Variants in TENM2 observed in about 807,000 individuals in gnomAD.
TENM2 encodes teneurin-2.
In TENM2, 52 loss-of-function variants were observed where a neutral mutation model predicts 245.2. The ratio of observed to expected loss-of-function variants is 0.21; its 90% CI spans 0.17 to 0.27. TENM2 has a LOEUF of 0.27. Ranked by LOEUF, TENM2 falls within the 10% of genes least tolerant of loss-of-function variation. The probability of loss-of-function intolerance (pLI) is 1.00; values close to 1 mark genes in which losing one functional copy is unlikely to be tolerated. For missense variants in TENM2, 3,046 were observed against 3,666.8 expected (o/e 0.83, Z 4.37); for synonymous variants, 1,363 against 1,438.9 (o/e 0.95, Z 1.19).
In TENM2 at chr5:168,004,499, GCA is replaced by G. The variant is rs1554170113; in HGVS notation, c.1186+11319_1186+11320del. 3.7e-3 allele frequency among the ~76,000 whole-genome samples: 393 copies of G among 107,156 alleles called. 5 individuals are homozygous for G. The highest frequency in any genetic ancestry group is 0.014 in the African/African-American group (354 of 24,940). The allele number at this position is 107,156 out of a possible 152,430, so 70.3% of individuals were successfully genotyped here. On this transcript the variant is annotated intron_variant, in intron 5 of 28. Transcript: ENST00000518659. ...AGGGAGGTCAGCCCCCATTTGGGAT[GCA>G]CGCATGCGCGCGCGCGCACACACAC... is the stretch of plus-strand genomic sequence containing the variant.
intron 2 of TENM2, among the ~76,000 whole-genome samples, chr5:167,696,753 T>C (rs1322169338): frequency 6.6e-6 from 1 of 152,154 alleles, no homozygotes; most frequent in Non-Finnish European, 1.5e-5. Flanking sequence ...AACCACACTT[T>C]GTCGGAGAGA....
intron 2 of TENM2, among the ~76,000 whole-genome samples, chr5:167,681,989 C>G (rs940577789): frequency 1.3e-5 from 2 of 151,766 alleles, no homozygotes; most frequent in African/African-American, 4.8e-5. Flanking sequence ...TTCTGTGTTC[C>G]TTGAGAAAAA....
intron 2 of TENM2, among the ~76,000 whole-genome samples, chr5:167,604,159 A>G (rs946578922): frequency 1.3e-5 from 2 of 152,218 alleles, no homozygotes; most frequent in African/African-American, 4.8e-5. Flanking sequence ...ACGAAACAAC[A>G]GTAAGATCTT....
chr5:167,279,199 A>C, the TENM2 span, among the ~76,000 whole-genome samples: 1 of 152,084 alleles, frequency 6.6e-6, no homozygotes, highest in Admixed American at 6.5e-5. Context: ...TCACCCTTTC[A>C]ATATTTTTTC....
At chr5:167,799,279 C>G (rs1312293804) in intron 2 of TENM2, among the ~76,000 whole-genome samples, 1 of 152,230 alleles carries the variant, frequency 6.6e-6, no homozygotes, top group African/African-American at 2.4e-5. Flanking sequence ...GTGCATTAAA[C>G]AACTTCAAAT....
intron 2 of TENM2, among the ~76,000 whole-genome samples, chr5:167,845,236 GCGC>G (rs1769930559): frequency 1.5e-4 from 5 of 34,098 alleles, no homozygotes; most frequent in East Asian, 7.7e-4. Flanking sequence ...CCCCCCTCCC[GCGC>G]CACACACACA....
intron 15 of TENM2, among the ~76,000 whole-genome samples, chr5:168,197,257 T>C (rs1385306670): frequency 2.0e-5 from 3 of 152,158 alleles, no homozygotes; most frequent in Non-Finnish European, 4.4e-5. Flanking sequence ...TTCATTCACA[T>C]TTACTAAAAA....
chr5:167,189,771 C>A, the TENM2 span, among the ~76,000 whole-genome samples: 2,483 of 152,028 alleles, frequency 0.016, 69 homozygotes, highest in African/African-American at 0.057. Context: ...AATGAAAGTA[C>A]CAAAATTTAA....
intron 27 of TENM2, among the ~76,000 whole-genome samples, chr5:168,250,772 C>A (rs1767043369): frequency 6.6e-6 from 1 of 152,174 alleles, no homozygotes; most frequent in Non-Finnish European, 1.5e-5. Flanking sequence ...CGAGGCCCTG[C>A]CAGGGCTTCC....
chr5:167,844,697 C>T (rs1377226571), intron 2 of TENM2, among the ~76,000 whole-genome samples: 1 of 152,142 alleles, frequency 6.6e-6, no homozygotes, highest in Non-Finnish European at 1.5e-5. Flanking sequence ...CAATAGATTT[C>T]AGACAAACTC....
At chr5:167,774,971 T>A (rs910781248) in intron 2 of TENM2, among the ~76,000 whole-genome samples, 4 of 152,292 alleles carry the variant, frequency 2.6e-5, no homozygotes, top group Non-Finnish European at 4.4e-5. Context: ...GATTTTTTTT[T>A]ATTTTTATTG....
intron 7 of TENM2, among the ~76,000 whole-genome samples, chr5:168,074,629 C>T (rs1791305015): frequency 6.6e-6 from 1 of 152,158 alleles, no homozygotes; most frequent in Non-Finnish European, 1.5e-5. Flanking sequence ...TGGCCAGTCC[C>T]TCTGCAGTCT....
At chr5:167,628,129 G>T (rs1582587217) in intron 2 of TENM2, among the ~76,000 whole-genome samples, 1 of 152,276 alleles carries the variant, frequency 6.6e-6, no homozygotes, top group Non-Finnish European at 1.5e-5. Flanking sequence ...CTTGAAACCT[G>T]AGTTCTAAGA....
intron 7 of TENM2, among the ~76,000 whole-genome samples, chr5:168,078,110 G>C (rs956187343): frequency 9.9e-5 from 15 of 152,100 alleles, no homozygotes; most frequent in Non-Finnish European, 1.6e-4. Context: ...ATTTTTTAAT[G>C]ATCGCCATTC....
chr5:167,551,179 T>C (rs139413523), intron 2 of TENM2, among the ~76,000 whole-genome samples: 1 of 152,356 alleles, frequency 6.6e-6, no homozygotes. Context: ...CCTTGTTTAG[T>C]AATGCATGTG....
chr5:167,515,875 T>A (rs1281568593), intron 2 of TENM2, among the ~76,000 whole-genome samples: 1 of 151,824 alleles, frequency 6.6e-6, no homozygotes, highest in East Asian at 1.9e-4. Flanking sequence ...CAAATGAAAG[T>A]AAGTTCATTT....
At chr5:167,960,623 G>A (rs1780938651) in intron 4 of TENM2, among the ~76,000 whole-genome samples, 1 of 150,280 alleles carries the variant, frequency 6.7e-6, no homozygotes, top group African/African-American at 2.4e-5. Context: ...GTGGATCTTA[G>A]CTTGCTGGGC....
At chr5:168,088,919 G>A (rs2152239751) in intron 7 of TENM2, among the ~76,000 whole-genome samples, 1 of 152,302 alleles carries the variant, frequency 6.6e-6, no homozygotes, top group South Asian at 2.1e-4. Context: ...GGTTATAGTT[G>A]ATGTCTGTAA....
intron 2 of TENM2, among the ~76,000 whole-genome samples, chr5:167,468,743 C>T (rs924641878): frequency 1.3e-5 from 2 of 152,134 alleles, no homozygotes; most frequent in Admixed American, 6.5e-5. Flanking sequence ...TTTATAAGAA[C>T]CTTTATATTG....
Sources: allele counts gnomAD v4.1 joint callset (sites outside exome capture counted in the v4.1 genomes callset), GRCh38; gene constraint gnomAD v4.1.1; transcripts MANE v1.5; gene names NCBI Gene and HGNC (gene_info 2026-07-23, HGNC 2026-07-21).